The following SDK1 variants were observed in gnomAD, a reference collection of about 807,000 sequenced individuals.
SDK1 encodes the protein protein sidekick-1.
Under a neutral mutation model 245.5 loss-of-function variants are expected in SDK1, and 157 were observed. The observed-to-expected ratio is 0.64, with a 90% CI of 0.56 to 0.73. SDK1 has a LOEUF of 0.73. Ranked by LOEUF, SDK1 falls within the 30% of genes least tolerant of loss-of-function variation. The pLI is 0.00. For synonymous variants in SDK1, 1,647 were observed against 1,278.5 expected, an observed-to-expected ratio of 1.29 and a Z score of -6.15; for missense variants, 3,583 against 3,002.3, an observed-to-expected ratio of 1.19 and a Z score of -4.52.
chr7:3,582,454 CCTCAGGTAGGTCTGT>C (rs1420385198), intron 1 of SDK1, among the ~76,000 whole-genome samples: 30 of 142,458 alleles, frequency 2.1e-4, no homozygotes, highest in African/African-American at 7.8e-4. Context: ...GGTAGGTCTC[CCTCAGGTAGGTCTGT>C]CTCAGGTAGG....
At position 3,571,045 on chromosome 7, in the gene SDK1, C is replaced by T. The variant is rs180677823; in HGVS notation, c.299-48035C>T. ...ACTTTGTTTTCCCAAAATACATTTA[C>T]TTAATGAAATTCGGATCTTCATGTT... is the stretch of plus-strand genomic sequence containing the variant. On this transcript the variant is annotated intron_variant, in intron 1 of 44. Transcript: ENST00000404826. 9.2e-4 allele frequency among the ~76,000 whole-genome samples: 140 copies of T among 152,104 alleles called. 2 individuals carry two copies. In the Middle Eastern group the frequency reaches 0.02, roughly 22 times the overall value.
intron 1 of SDK1, among the ~76,000 whole-genome samples, chr7:3,589,461 A>G (rs966167347): frequency 6.6e-6 from 1 of 152,192 alleles, no homozygotes; most frequent in African/African-American, 2.4e-5. Flanking sequence ...TTTTGCGTAT[A>G]TTACTATTGG....
chr7:3,701,924 CAA>C (rs58687135), intron 4 of SDK1, among the ~76,000 whole-genome samples: 1,296 of 85,698 alleles, frequency 0.015, 2 homozygotes, highest in African/African-American at 0.039. Flanking sequence ...CGTGCATAAG[CAA>C]AAAAAAAAAA....
chr7:4,174,515 G>A (rs546240380), intron 33 of SDK1, among the ~76,000 whole-genome samples, 158 bp downstream of exon 33: 1 of 152,310 alleles, frequency 6.6e-6, no homozygotes, highest in East Asian at 1.9e-4. Flanking sequence ...TTACCCACCA[G>A]GGGCACACAG....
At chr7:3,704,214 C>T (rs186705053) in intron 4 of SDK1, among the ~76,000 whole-genome samples, 64 of 152,094 alleles carry the variant, frequency 4.2e-4, no homozygotes, top group African/African-American at 1.3e-3. Flanking sequence ...CCGCCAAAGA[C>T]GTTATTTTGT....
intron 4 of SDK1, among the ~76,000 whole-genome samples, chr7:3,674,000 G>C (rs1783806849): frequency 6.6e-6 from 1 of 152,102 alleles, no homozygotes; most frequent in African/African-American, 2.4e-5. Flanking sequence ...TGACAGCAGG[G>C]AGATTTGTTT....
chr7:3,676,276 C>G (rs1783892093), intron 4 of SDK1, among the ~76,000 whole-genome samples: 1 of 151,602 alleles, frequency 6.6e-6, no homozygotes, highest in Admixed American at 6.6e-5. Flanking sequence ...GCCTTGTCCT[C>G]CGAAAGTGCT....
At chr7:3,651,411 G>T (rs1783010818) in intron 4 of SDK1, among the ~76,000 whole-genome samples, 1 of 152,188 alleles carries the variant, frequency 6.6e-6, no homozygotes, top group South Asian at 2.1e-4. Context: ...TGTGAGAAAT[G>T]TGTTCATTTA....
At chr7:3,536,437 T>C (rs1778890328) in intron 1 of SDK1, among the ~76,000 whole-genome samples, 1 of 151,994 alleles carries the variant, frequency 6.6e-6, no homozygotes, top group Admixed American at 6.6e-5. Flanking sequence ...TTAGCACTTG[T>C]GGAGGCCAAG....
At chr7:4,233,092 C>T (rs1431823019) in intron 40 of SDK1, 163 bp from the exon 41 acceptor site, 2 of 616,386 alleles carry the variant, frequency 3.2e-6, no homozygotes, top group Non-Finnish European at 2.8e-6. Context: ...CTTCGACTTG[C>T]GAAACTGAGA....
intron 7 of SDK1, among the ~76,000 whole-genome samples, chr7:3,954,506 T>C (rs904140652): frequency 1.3e-4 from 1 of 7,604 alleles, no homozygotes; most frequent in Non-Finnish European, 2.4e-4. Context: ...CTCCTGCTTC[T>C]CCTCTACACC....
At chr7:3,879,281 T>C (rs1377949030) in intron 5 of SDK1, among the ~76,000 whole-genome samples, 1 of 152,202 alleles carries the variant, frequency 6.6e-6, no homozygotes. Context: ...CCAAATGCTT[T>C]GGTACAAGTC....
chr7:3,801,757 C>T (rs1222585231), intron 4 of SDK1, among the ~76,000 whole-genome samples: 1 of 152,198 alleles, frequency 6.6e-6, no homozygotes, highest in Admixed American at 6.5e-5. Flanking sequence ...TTGGAACACG[C>T]CCAGCCTGTC....
intron 4 of SDK1, among the ~76,000 whole-genome samples, chr7:3,698,487 T>C (rs1784639494): frequency 6.6e-6 from 1 of 152,178 alleles, no homozygotes. Flanking sequence ...ATCTTCTCAG[T>C]GGTGACAAGG....
chr7:3,482,962 T>C (rs1244615315), intron 1 of SDK1, among the ~76,000 whole-genome samples: 1 of 151,500 alleles, frequency 6.6e-6, no homozygotes, highest in African/African-American at 2.5e-5. Flanking sequence ...TCAAGTCTTT[T>C]TAATTCTCTC....
intron 4 of SDK1, among the ~76,000 whole-genome samples, chr7:3,779,082 A>G (rs1024564174): frequency 1.3e-5 from 2 of 152,182 alleles, no homozygotes; most frequent in South Asian, 2.1e-4. Context: ...TTCCTTTTTT[A>G]TCATTTGGCT....
At chr7:3,348,479 G>C (rs547807625) in intron 1 of SDK1, among the ~76,000 whole-genome samples, 14 of 140,780 alleles carry the variant, frequency 9.9e-5, no homozygotes, top group East Asian at 4.6e-4. Flanking sequence ...ACATGTTCTC[G>C]TAAGGGAGAA....
chr7:4,190,908 G>T (rs1208178484), intron 35 of SDK1, among the ~76,000 whole-genome samples: 1 of 152,208 alleles, frequency 6.6e-6, no homozygotes, highest in Non-Finnish European at 1.5e-5. Context: ...GGAGGGTGGA[G>T]GGCGGGGAGG....
intron 4 of SDK1, among the ~76,000 whole-genome samples, chr7:3,765,390 T>G (rs1780226039): frequency 6.6e-6 from 1 of 152,212 alleles, no homozygotes; most frequent in Non-Finnish European, 1.5e-5. Flanking sequence ...AAGGTGACTG[T>G]TATTCTCCAT....
Sources: gnomAD v4.1 joint callset for allele counts (sites outside exome capture counted in the v4.1 genomes callset) on GRCh38, gnomAD v4.1.1 for gene constraint, MANE v1.5 for transcripts, NCBI Gene and HGNC (gene_info 2026-07-23, HGNC 2026-07-21) for gene names.